The following DRC11 variants were observed in gnomAD, a reference collection of about 807,000 sequenced individuals.
The protein encoded by DRC11 is IQ and AAA domain-containing protein 1.
the DRC11 span, among the ~76,000 whole-genome samples, chr2:236,462,830 A>G: frequency 3.9e-5 from 6 of 152,200 alleles, no homozygotes; most frequent in Non-Finnish European, 8.8e-5. This position sits in a 1 kb window ranked among gnomAD's most constrained non-coding sequence, Gnocchi z 6.4. Flanking sequence ...GAGACATTTA[A>G]ATTGACTTCA....
chr2:236,316,145 T>TTCTCTCTCTCTCTCTCTCTCTCTCTCTC, the DRC11 span, among the ~76,000 whole-genome samples: 13 of 146,210 alleles, frequency 8.9e-5, no homozygotes, highest in East Asian at 4.0e-4. This position sits in a 1 kb window ranked among gnomAD's most constrained non-coding sequence, Gnocchi z 6.8. Flanking sequence ...ACTTATTTTC[T>TTCTCTCTCTCTCTCTCTCTCTCTCTCTC]TCTCTCTCTC....
At chr2:236,335,241 T>C in the DRC11 span, among the ~76,000 whole-genome samples, 9 of 152,336 alleles carry the variant, frequency 5.9e-5, no homozygotes, top group African/African-American at 2.2e-4. This position sits in a 1 kb window ranked among gnomAD's most constrained non-coding sequence, Gnocchi z 5.6. Flanking sequence ...AAGATACTAC[T>C]TTTGATAGCT....
At chr2:236,456,356 G>A in the DRC11 span, among the ~76,000 whole-genome samples, 987 of 152,274 alleles carry the variant, frequency 6.5e-3, 10 homozygotes, top group African/African-American at 0.023. The surrounding 1 kb of genome is among the most constrained non-coding windows in gnomAD (Gnocchi z 5.4). Flanking sequence ...TGATAGAGCC[G>A]GGATTTGAAC....
At chr2:236,422,051 G>A in the DRC11 span, among the ~76,000 whole-genome samples, 10 of 152,088 alleles carry the variant, frequency 6.6e-5, no homozygotes, top group Admixed American at 2.6e-4. Flanking sequence ...TCGATGGGAC[G>A]TATTTCAAAA....
the DRC11 span, among the ~76,000 whole-genome samples, chr2:236,325,477 G>A: frequency 1.3e-5 from 2 of 152,138 alleles, no homozygotes; most frequent in Non-Finnish European, 2.9e-5. This position sits in a 1 kb window ranked among gnomAD's most constrained non-coding sequence, Gnocchi z 4.4. Flanking sequence ...CCTCTTTAGG[G>A]CACACATTTA....
At chr2:236,367,070 C>A in the DRC11 span, among the ~76,000 whole-genome samples, 1 of 149,744 alleles carries the variant, frequency 6.7e-6, no homozygotes, top group Non-Finnish European at 1.5e-5. The surrounding 1 kb of genome is among the most constrained non-coding windows in gnomAD (Gnocchi z 4.8). Context: ...TCTGCCCACA[C>A]TGGCTTCCCA....
chr2:236,373,016 G>A, the DRC11 span, among the ~76,000 whole-genome samples: 2 of 151,974 alleles, frequency 1.3e-5, no homozygotes, highest in Non-Finnish European at 2.9e-5. Flanking sequence ...TATTTGATAT[G>A]CTCTTTGAAT....
At chr2:236,331,307 C>T in the DRC11 span, 1 of 1,253,044 alleles carries the variant, frequency 8.0e-7, no homozygotes. This position sits in a 1 kb window ranked among gnomAD's most constrained non-coding sequence, Gnocchi z 4.8. Context: ...AGGGAGGAGG[C>T]AGCGTGAGGA....
the DRC11 span, among the ~76,000 whole-genome samples, chr2:236,314,996 G>T: frequency 2.0e-5 from 3 of 152,100 alleles, no homozygotes. This position sits in a 1 kb window ranked among gnomAD's most constrained non-coding sequence, Gnocchi z 4.5. Context: ...AGACACTTTG[G>T]AGAAAAACAA....
chr2:236,393,612 CTGAACA>C, the DRC11 span, among the ~76,000 whole-genome samples: 1 of 152,204 alleles, frequency 6.6e-6, no homozygotes, highest in Non-Finnish European at 1.5e-5. The surrounding 1 kb of genome is among the most constrained non-coding windows in gnomAD (Gnocchi z 4.7). Context: ...GGTTGAGTCT[CTGAACA>C]AACCACAGAG....
At chr2:236,317,140 CAA>C in the DRC11 span, among the ~76,000 whole-genome samples, 1 of 152,012 alleles carries the variant, frequency 6.6e-6, no homozygotes, top group Non-Finnish European at 1.5e-5. The surrounding 1 kb of genome is among the most constrained non-coding windows in gnomAD (Gnocchi z 5.4). Context: ...TACTAAAATA[CAA>C]AAAATTAGCC....
chr2:236,444,938 T>A, the DRC11 span, among the ~76,000 whole-genome samples: 1 of 152,178 alleles, frequency 6.6e-6, no homozygotes, highest in East Asian at 1.9e-4. Context: ...CCCCAGGTGG[T>A]GCCTGTCCAC....
the DRC11 span, among the ~76,000 whole-genome samples, chr2:236,336,366 A>G: frequency 1.3e-5 from 2 of 152,124 alleles, no homozygotes; most frequent in Admixed American, 6.5e-5. This position sits in a 1 kb window ranked among gnomAD's most constrained non-coding sequence, Gnocchi z 7.3. Flanking sequence ...AGAAGGAAGA[A>G]CAGAAACCAA....
chr2:236,446,461 C>T, the DRC11 span, among the ~76,000 whole-genome samples: 1 of 152,302 alleles, frequency 6.6e-6, no homozygotes, highest in Admixed American at 6.5e-5. The surrounding 1 kb of genome is among the most constrained non-coding windows in gnomAD (Gnocchi z 6.2). Context: ...GTCAGGAAGA[C>T]GGTTCTCTTG....
the DRC11 span, among the ~76,000 whole-genome samples, chr2:236,395,727 A>T: frequency 6.6e-6 from 1 of 152,196 alleles, no homozygotes; most frequent in Non-Finnish European, 1.5e-5. Flanking sequence ...AAAAGGTTTA[A>T]ATGTGTCATA....
At chr2:236,486,990 A>C in the DRC11 span, 4 of 923,060 alleles carry the variant, frequency 4.3e-6, no homozygotes, top group Non-Finnish European at 6.8e-6. This position sits in a 1 kb window ranked among gnomAD's most constrained non-coding sequence, Gnocchi z 5.7. Flanking sequence ...TGCACATCTC[A>C]AAATGCCAAC....
At chr2:236,368,222 G>T in the DRC11 span, 1 of 1,610,438 alleles carries the variant, frequency 6.2e-7, no homozygotes, top group South Asian at 1.1e-5. Context: ...ACAATGTGAT[G>T]AGCTGTCTGA....
the DRC11 span, among the ~76,000 whole-genome samples, chr2:236,348,465 C>T: frequency 9.2e-5 from 14 of 152,186 alleles, no homozygotes; most frequent in Non-Finnish European, 2.1e-4. This position sits in a 1 kb window ranked among gnomAD's most constrained non-coding sequence, Gnocchi z 7.4. Context: ...TCAGGGGCGA[C>T]AGCACCACGT....
At chr2:236,347,916 C>G in the DRC11 span, among the ~76,000 whole-genome samples, 1 of 151,878 alleles carries the variant, frequency 6.6e-6, no homozygotes, top group African/African-American at 2.4e-5. Context: ...AACTATAGCA[C>G]CTGCCAGTGG....
Sources: gnomAD v4.1 joint callset for allele counts (sites outside exome capture counted in the v4.1 genomes callset) on GRCh38, gnomAD v4.1.1 for gene constraint, Gnocchi (gnomAD v3.1) non-coding constraint, MANE v1.5 for transcripts, NCBI Gene and HGNC (gene_info 2026-07-23, HGNC 2026-07-21) for gene names.